The following XIRP2 variants were observed in gnomAD, a reference collection of about 807,000 sequenced individuals.
XIRP2 encodes the protein xin actin-binding repeat-containing protein 2.
A neutral mutation model predicts 277.0 loss-of-function variants in XIRP2; 236 were observed. The observed-to-expected ratio is 0.85, with a 90% CI of 0.77 to 0.95. The LOEUF (loss-of-function observed/expected upper bound fraction) is 0.95. XIRP2 is among the 40% of genes least tolerant of loss of function. The probability of loss-of-function intolerance (pLI) is 0.00; values close to 1 mark genes in which losing one functional copy is unlikely to be tolerated. For missense variants in XIRP2, 4,640 were observed against 4,157.5 expected (o/e 1.12, Z -3.19); for synonymous variants, 1,490 against 1,416.5 (o/e 1.05, Z -1.17).
chr2:166,983,429 C>T (rs1490449780), intron 2 of XIRP2, among the ~76,000 whole-genome samples: 1 of 152,114 alleles, frequency 6.6e-6, no homozygotes, highest in East Asian at 1.9e-4. Context: ...CCTTTTAAAT[C>T]CAACATCCAG....
At chr2:166,941,526 T>C (rs1448358579) in intron 2 of XIRP2, among the ~76,000 whole-genome samples, 1 of 152,228 alleles carries the variant, frequency 6.6e-6, no homozygotes, top group Non-Finnish European at 1.5e-5. Flanking sequence ...TCACCCATCT[T>C]CTGCATCACT....
At chr2:166,946,734 T>C (rs1574104731) in intron 2 of XIRP2, among the ~76,000 whole-genome samples, 1 of 152,092 alleles carries the variant, frequency 6.6e-6, no homozygotes, top group East Asian at 1.9e-4. Flanking sequence ...AAATAAAATA[T>C]TTTATCTACT....
intron 2 of XIRP2, among the ~76,000 whole-genome samples, chr2:167,118,431 A>G (rs985512478): frequency 2.0e-5 from 3 of 151,634 alleles, no homozygotes; most frequent in African/African-American, 7.3e-5. Flanking sequence ...GCAGTGAGCC[A>G]AGATCGGGCC....
intron 2 of XIRP2, among the ~76,000 whole-genome samples, chr2:167,093,624 A>G (rs1000373676): frequency 1.3e-5 from 2 of 152,088 alleles, no homozygotes; most frequent in Non-Finnish European, 1.5e-5. Context: ...ACCTTGATCC[A>G]TGTCCCTGCA....
chr2:167,074,635 CGTGT>C (rs72225253), intron 2 of XIRP2, among the ~76,000 whole-genome samples: 113 of 149,564 alleles, frequency 7.6e-4, no homozygotes, highest in African/African-American at 2.7e-3. Context: ...TGTGTGTGTG[CGTGT>C]GTGTGTGTGT....
intron 2 of XIRP2, among the ~76,000 whole-genome samples, chr2:166,959,432 C>T (rs528659987): frequency 2.0e-5 from 3 of 151,834 alleles, no homozygotes; most frequent in African/African-American, 7.2e-5. Flanking sequence ...ATCCCATTAA[C>T]TCTAATTGCT....
intron 3 of XIRP2, among the ~76,000 whole-genome samples, chr2:167,139,768 T>C (rs572480499): frequency 6.6e-6 from 1 of 152,218 alleles, no homozygotes; most frequent in Non-Finnish European, 1.5e-5. Flanking sequence ...ATAATGATAA[T>C]AGAAGTGTCC....
At chr2:167,165,783 A>G (rs751644024) in intron 3 of XIRP2, among the ~76,000 whole-genome samples, 65 of 152,186 alleles carry the variant, frequency 4.3e-4, no homozygotes, top group Non-Finnish European at 8.7e-4. Flanking sequence ...CTCCCAGGCC[A>G]TGGCTTGCCT....
chr2:167,177,595 A>G (rs969873665), intron 3 of XIRP2, among the ~76,000 whole-genome samples: 3 of 152,200 alleles, frequency 2.0e-5, no homozygotes, highest in Admixed American at 6.5e-5. Context: ...TATGAGAAAG[A>G]TAAGTTTATA....
At chr2:166,907,661 C>T (rs370402034) in intron 2 of XIRP2, among the ~76,000 whole-genome samples, 13 of 150,940 alleles carry the variant, frequency 8.6e-5, no homozygotes, top group Non-Finnish European at 1.9e-4. Flanking sequence ...ATGTGCACAA[C>T]GTGCAGGTTT....
intron 2 of XIRP2, among the ~76,000 whole-genome samples, chr2:167,115,291 G>A (rs1380055395): frequency 3.3e-5 from 5 of 152,094 alleles, no homozygotes; most frequent in Admixed American, 1.3e-4. Context: ...CTTGGATTGG[G>A]TTTTGATGAA....
In XIRP2 at chr2:167,027,103, C is replaced by T. The variant is rs530174047; in HGVS notation, c.409-108806C>T. ...GGATAATATCCTGCAGAGTGTTTTC[C>T]ATCTTGGTTCCATTCTCTCCGTCAC... is the stretch of plus-strand genomic sequence containing the variant. On this transcript the variant is annotated intron_variant, in intron 2 of 10. Transcript: ENST00000409195. 6.8e-4 allele frequency among the ~76,000 whole-genome samples: 104 copies of T among 152,216 alleles called. 1 individual carries two copies. Among genetic ancestry groups the T allele is most frequent in the African/African-American group, 2.4e-3 (101 of 41,572 alleles).
At chr2:167,104,959 C>T (rs7606905) in intron 2 of XIRP2, among the ~76,000 whole-genome samples, 45,264 of 151,878 alleles carry the variant, frequency 0.3, 9,301 homozygotes, top group African/African-American at 0.58. Context: ...TTACTAAAAG[C>T]AAAAGCAAGT....
At chr2:167,187,434 G>A in intron 3 of XIRP2, 27 of 985,324 alleles carry the variant, frequency 2.7e-5, no homozygotes, top group Non-Finnish European at 3.3e-5. Context: ...CTGGGAAATT[G>A]GCTGTACATG....
chr2:167,045,261 T>A (rs1399658510), intron 2 of XIRP2, among the ~76,000 whole-genome samples: 1 of 151,960 alleles, frequency 6.6e-6, no homozygotes, highest in Non-Finnish European at 1.5e-5. Flanking sequence ...TCAAGATGAC[T>A]TAAAGACTTA....
intron 3 of XIRP2, among the ~76,000 whole-genome samples, chr2:167,204,414 G>A (rs1166274053): frequency 1.3e-5 from 2 of 152,108 alleles, no homozygotes; most frequent in Non-Finnish European, 2.9e-5. Flanking sequence ...TTGAACAACT[G>A]TCCTTCTTAA....
rs181021441 is a variant in XIRP2 at position 166,908,063 on chromosome 2, C to G, written c.408+4173C>G. Among the ~76,000 whole-genome samples the G allele has an allele frequency of 3.6e-4, 54 of 151,918 alleles. 1 individual carries two copies. Among genetic ancestry groups the G allele is most frequent in the African/African-American group, 1.2e-3 (51 of 41,386 alleles). ...AAGTCTTTGCTATTGTGAATAGTGCCGCAGTAAACATATGTGTGCATATGT... is the reference window on the plus strand; with the variant it reads ...AAGTCTTTGCTATTGTGAATAGTGCGGCAGTAAACATATGTGTGCATATGT... On this transcript the variant is annotated intron_variant, in intron 2 of 10. Transcript: ENST00000409195.
At chr2:167,031,599 C>A (rs536344204) in intron 2 of XIRP2, among the ~76,000 whole-genome samples, 2 of 152,264 alleles carry the variant, frequency 1.3e-5, no homozygotes, top group East Asian at 3.9e-4. Context: ...TAAGCATTTT[C>A]AGCAAAGTTT....
intron 2 of XIRP2, among the ~76,000 whole-genome samples, chr2:167,127,914 G>A (rs1235828953): frequency 6.6e-6 from 1 of 152,208 alleles, no homozygotes; most frequent in Non-Finnish European, 1.5e-5. Context: ...GGTTCATCCA[G>A]AAGAGTGCTG....
Sources: allele counts gnomAD v4.1 joint callset (sites outside exome capture counted in the v4.1 genomes callset), GRCh38; gene constraint gnomAD v4.1.1; transcripts MANE v1.5; gene names NCBI Gene and HGNC (gene_info 2026-07-23, HGNC 2026-07-21).